The following SORCS2 variants were observed in gnomAD, a reference collection of about 807,000 sequenced individuals.
SORCS2 encodes sortilin related VPS10 domain containing receptor 2.
SORCS2 carries 100 observed loss-of-function variants against 141.6 expected under a neutral mutation model. The ratio of observed to expected loss-of-function variants is 0.71; its 90% CI spans 0.60 to 0.83. SORCS2 has a LOEUF of 0.83. Ranked by LOEUF, SORCS2 falls within the 40% of genes least tolerant of loss-of-function variation. The pLI is 0.00. For synonymous variants in SORCS2, 789 were observed against 676.9 expected (o/e 1.17, Z -2.57); for missense variants, 1,646 against 1,560.2 (o/e 1.05, Z -0.93).
chr4:7,528,881 G>A (rs1023366156), intron 2 of SORCS2, among the ~76,000 whole-genome samples: 1 of 152,132 alleles, frequency 6.6e-6, no homozygotes, highest in Non-Finnish European at 1.5e-5. Context: ...TCTGCCCCCT[G>A]CCTCTCTCCC....
intron 4 of SORCS2, among the ~76,000 whole-genome samples, chr4:7,640,991 T>C (rs1338070181): frequency 1.3e-5 from 2 of 152,070 alleles, no homozygotes; most frequent in African/African-American, 4.8e-5. Context: ...TCTGTCTACG[T>C]AGGTCAGCTC....
At chr4:7,510,412 G>A (rs753051949) in intron 2 of SORCS2, among the ~76,000 whole-genome samples, 72 of 152,228 alleles carry the variant, frequency 4.7e-4, no homozygotes, top group Non-Finnish European at 9.3e-4. Context: ...GGCCGTCAGG[G>A]AAGGGCACTC....
At chr4:7,433,393 G>A (rs1727022910) in intron 2 of SORCS2, 1 of 1,498,388 alleles carries the variant, frequency 6.7e-7, no homozygotes, top group South Asian at 1.4e-5. Flanking sequence ...GCACAGCTTG[G>A]CGGCCTCCTG....
intron 4 of SORCS2, among the ~76,000 whole-genome samples, chr4:7,640,656 C>T (rs1370223980): frequency 6.6e-6 from 1 of 151,918 alleles, no homozygotes; most frequent in African/African-American, 2.4e-5. Flanking sequence ...CAACTGCAGG[C>T]TCCCTTTCTG....
chr4:7,414,504 G>A (rs1027086818), intron 2 of SORCS2, among the ~76,000 whole-genome samples: 1 of 152,166 alleles, frequency 6.6e-6, no homozygotes, highest in African/African-American at 2.4e-5. Context: ...TGAATTAAGA[G>A]TCTTTTATTA....
At chr4:7,321,510 A>G (rs1001178623) in intron 1 of SORCS2, among the ~76,000 whole-genome samples, 43 of 152,200 alleles carry the variant, frequency 2.8e-4, no homozygotes, top group Non-Finnish European at 4.4e-4. Flanking sequence ...CAAGAACTCA[A>G]TCCCGGGACT....
chr4:7,732,484 C>T lies in SORCS2; in HGVS notation c.3109-838C>T, dbSNP rs1415323827. On this transcript the variant is annotated intron_variant, in intron 23 of 26. Coordinates refer to ENST00000507866, the MANE Select transcript of SORCS2 (RefSeq NM_020777.3). ...CCTGGAGGAGGATGCCCGTGGCCCA[C>T]AAGGCTGGCTGCCTTTTGGCCCCTG... 2.0e-5 allele frequency among the ~76,000 whole-genome samples: 3 copies of T among 152,294 alleles called. 1 individual carries two copies. Among genetic ancestry groups the T allele is most frequent in the South Asian group, 4.2e-4 (2 of 4,818 alleles).
intron 1 of SORCS2, among the ~76,000 whole-genome samples, chr4:7,394,391 G>A (rs1208463761): frequency 6.8e-6 from 1 of 147,690 alleles, no homozygotes; most frequent in East Asian, 2.0e-4. Context: ...GTTGCAGGGA[G>A]GTCCGGCAGG....
chr4:7,283,812 T>C (rs1716035499), intron 1 of SORCS2, among the ~76,000 whole-genome samples: 1 of 151,298 alleles, frequency 6.6e-6, no homozygotes, highest in African/African-American at 2.4e-5. Context: ...AGAGAGGAGA[T>C]GGAGGAGGGG....
intron 19 of SORCS2, among the ~76,000 whole-genome samples, chr4:7,724,471 G>GTGA (rs1177066766): frequency 1.4e-5 from 1 of 72,222 alleles, no homozygotes; most frequent in Non-Finnish European, 2.7e-5. Context: ...GGTGGTGATG[G>GTGA]TGATGGTGGT....
At chr4:7,402,733 C>A (rs190648288) in intron 2 of SORCS2, among the ~76,000 whole-genome samples, 50 of 152,314 alleles carry the variant, frequency 3.3e-4, no homozygotes, top group Non-Finnish European at 2.9e-5. Flanking sequence ...TTGGAGTCAT[C>A]AGACTTTCCA....
In SORCS2 at chr4:7,740,899, G is replaced by C; in HGVS notation, c.*635G>C. The C allele has an allele frequency of 2.5e-6, 1 of 398,154 alleles. No homozygotes were observed. The highest frequency in any genetic ancestry group is 3.6e-5 in the East Asian group (1 of 28,024). 24.7% of individuals were successfully genotyped at this position (398,154 alleles called of 1,614,324 possible). A position where few individuals can be genotyped will look rare whatever the true frequency, so the allele number is the denominator to read the frequency against. ...TTTATAGCCGGCGGTAGCCACCGGG[G>C]TGGCTCTGTCAGAGTTCCGTACTCG... On this transcript the variant is annotated 3_prime_UTR_variant, in exon 27 of 27. Transcript: ENST00000507866.
At chr4:7,410,245 G>A (rs1351547276) in intron 2 of SORCS2, among the ~76,000 whole-genome samples, 1 of 152,230 alleles carries the variant, frequency 6.6e-6, no homozygotes, top group East Asian at 1.9e-4. Flanking sequence ...AGATAACGCT[G>A]AGAGTTCATA....
intron 1 of SORCS2, among the ~76,000 whole-genome samples, chr4:7,263,685 G>A (rs11722592): frequency 0.089 from 13,605 of 152,212 alleles, 1,329 homozygotes; most frequent in African/African-American, 0.24. Context: ...TGTCCAGCAA[G>A]GCTGCTGACT....
intron 3 of SORCS2, among the ~76,000 whole-genome samples, chr4:7,568,631 T>C (rs7667548): frequency 0.85 from 128,854 of 152,098 alleles, 55,652 homozygotes; most frequent in East Asian, 1. Flanking sequence ...GTGGAAACCG[T>C]GAACAACCTG....
At chr4:7,380,578 G>C (rs140864744) in intron 1 of SORCS2, among the ~76,000 whole-genome samples, 2 of 152,220 alleles carry the variant, frequency 1.3e-5, no homozygotes, top group Non-Finnish European at 2.9e-5. Context: ...GGGCAAGGAC[G>C]TCAATGTGGT....
chr4:7,277,693 G>A (rs6824726), intron 1 of SORCS2, among the ~76,000 whole-genome samples: 54,287 of 152,020 alleles, frequency 0.36, 10,222 homozygotes, highest in African/African-American at 0.41. Context: ...AAAATAATTT[G>A]GGGGTGGCCG....
In SORCS2 at chr4:7,723,729, C is replaced by A; in HGVS notation, c.2457C>A (p.Asp819Glu). Residue 819 changes from aspartate (D) to glutamate (E), a missense_variant, in exon 19 of 27, where the codon GAC (aspartate) becomes GAA (glutamate). By Grantham distance (45) the Asp-to-Glu change is conservative (BLOSUM62 2). Transcript: ENST00000507866. ...GDVLTTKYQV[D>E]LGDGFKAMYV... The stretch of plus-strand genomic sequence containing the variant: ...TCCTGACTACCAAGTACCAGGTAGA[C>A]CTTGGGGACGGCTTCAAGGCCATGT... 6.2e-7 allele frequency: 1 copy of A among 1,613,998 alleles called. No individual in the cohort carries two copies. Among genetic ancestry groups the A allele is most frequent in the Non-Finnish European group, 8.5e-7 (1 of 1,179,884 alleles).
At chr4:7,534,584 G>A (rs66827576) in intron 3 of SORCS2, among the ~76,000 whole-genome samples, 38,917 of 152,204 alleles carry the variant, frequency 0.26, 5,346 homozygotes, top group African/African-American at 0.34. Context: ...GTCTGAGTGG[G>A]ATCAGCTCAG....
Sources: gnomAD v4.1 joint callset for allele counts (sites outside exome capture counted in the v4.1 genomes callset) on GRCh38, gnomAD v4.1.1 for gene constraint, MANE v1.5 for transcripts, NCBI Gene and HGNC (gene_info 2026-07-23, HGNC 2026-07-21) for gene names.